Variants in FRMD4B observed in about 807,000 individuals in gnomAD.
The protein encoded by FRMD4B is FERM domain containing 4B, also known as FERM domain-containing protein 4B.
A neutral mutation model predicts 141.5 loss-of-function variants in FRMD4B; 74 were observed. The observed-to-expected ratio is 0.52, with a 90% CI of 0.43 to 0.63. The LOEUF (loss-of-function observed/expected upper bound fraction) is 0.63, where lower values mean the gene tolerates loss of function less well. Among genes scored for constraint, FRMD4B ranks in the 30% least tolerant of loss-of-function variants. FRMD4B has a pLI of 0.00. For missense variants in FRMD4B, 1,366 were observed against 1,253.4 expected (o/e 1.09, Z -1.36); for synonymous variants, 506 against 467.9 (o/e 1.08, Z -1.05).
At chr3:69,273,787 T>C (rs1387988200) in intron 5 of FRMD4B, among the ~76,000 whole-genome samples, 3 of 152,118 alleles carry the variant, frequency 2.0e-5, no homozygotes, top group South Asian at 4.1e-4. Flanking sequence ...TAAGAGGTAG[T>C]GCAGTTGCGA....
intron 1 of FRMD4B, among the ~76,000 whole-genome samples, chr3:69,498,291 T>G (rs1488941077): frequency 6.6e-6 from 1 of 152,204 alleles, no homozygotes; most frequent in African/African-American, 2.4e-5. Flanking sequence ...GAAGTTTACA[T>G]TGATTGAACT....
chr3:69,442,472 T>C (rs893193880), intron 1 of FRMD4B, among the ~76,000 whole-genome samples: 2 of 152,196 alleles, frequency 1.3e-5, no homozygotes, highest in Non-Finnish European at 2.9e-5. Flanking sequence ...CTAGAGGTTC[T>C]GATTCCACAA....
chr3:69,323,477 A>C (rs1161125121), intron 1 of FRMD4B, among the ~76,000 whole-genome samples: 1 of 151,616 alleles, frequency 6.6e-6, no homozygotes, highest in Non-Finnish European at 1.5e-5. Flanking sequence ...CTGAGGCAGA[A>C]TTGCTTGAAC....
In FRMD4B at chr3:69,482,256, G is replaced by A. The variant is rs75037435; in HGVS notation, c.-128-49495C>T. ...GGGGTAAAAGCTGTAGTGCAATAGAGTATTTAAAAAATAACCCTAAACAGG... is the reference window on the plus strand; with the variant it reads ...GGGGTAAAAGCTGTAGTGCAATAGAATATTTAAAAAATAACCCTAAACAGG... On this transcript the variant is annotated intron_variant, in intron 1 of 5. Coordinates refer to the FRMD4B transcript ENST00000459638. Among the ~76,000 whole-genome samples the A allele has an allele frequency of 2.8e-3, 419 of 151,670 alleles. 2 individuals are homozygous for A. The highest frequency in any genetic ancestry group is 9.6e-3 in the African/African-American group (392 of 41,014).
chr3:69,521,711 T>C (rs1354413783), intron 1 of FRMD4B, among the ~76,000 whole-genome samples: 2 of 152,132 alleles, frequency 1.3e-5, no homozygotes, highest in Non-Finnish European at 2.9e-5. Flanking sequence ...ACTCATAAAA[T>C]CTACCAAGCA....
Position 69,261,724 on chromosome 3 carries a change from G to A in FRMD4B, c.502-11625C>T, listed in dbSNP as rs1430712419. Among the ~76,000 whole-genome samples the A allele has an allele frequency of 1.1e-4, 17 of 152,196 alleles. 1 individual carries two copies. The East Asian group carries it at 2.3e-3, about 21-fold the overall frequency. ...GTCTCCCTCTGTTGCCCAGGCTGGA[G>A]TGCAGTGGCACGATCTCAGCTCACC... On this transcript the variant is annotated intron_variant, in intron 5 of 22. Transcript: ENST00000398540.
intron 1 of FRMD4B, among the ~76,000 whole-genome samples, chr3:69,438,801 T>G (rs1326679141): frequency 1.3e-5 from 2 of 152,146 alleles, no homozygotes; most frequent in Non-Finnish European, 2.9e-5. Flanking sequence ...ATTCACTGTA[T>G]ATTCAGCAGC....
chr3:69,372,281 G>T (rs1038612619), intron 1 of FRMD4B, among the ~76,000 whole-genome samples: 3 of 152,216 alleles, frequency 2.0e-5, no homozygotes, highest in African/African-American at 4.8e-5. Context: ...CACAAGGGCA[G>T]GGCCTACCTC....
chr3:69,179,120 C>T (rs1276361325), intron 21 of FRMD4B, among the ~76,000 whole-genome samples: 2 of 152,114 alleles, frequency 1.3e-5, no homozygotes, highest in Non-Finnish European at 2.9e-5. Context: ...TCTGGGAGTA[C>T]TGATTCCACC....
At chr3:69,422,325 T>G (rs1406570198) in intron 2 of FRMD4B, among the ~76,000 whole-genome samples, 1 of 150,100 alleles carries the variant, frequency 6.7e-6, no homozygotes, top group Admixed American at 6.7e-5. Context: ...CCCGGGAGGT[T>G]GTAGTGCGTT....
At chr3:69,382,953 C>T (rs976180929) in intron 1 of FRMD4B, among the ~76,000 whole-genome samples, 1 of 152,064 alleles carries the variant, frequency 6.6e-6, no homozygotes, top group Non-Finnish European at 1.5e-5. Flanking sequence ...TGACAAAAGT[C>T]ATTTCTTTTT....
chr3:69,345,489 T>C (rs775768309), intron 1 of FRMD4B, among the ~76,000 whole-genome samples: 1 of 152,194 alleles, frequency 6.6e-6, no homozygotes, highest in African/African-American at 2.4e-5. Context: ...AAGAGAGTAG[T>C]TGTTCTCCCA....
At chr3:69,538,765 G>GA (rs1231100043) in intron 1 of FRMD4B, among the ~76,000 whole-genome samples, 3 of 152,080 alleles carry the variant, frequency 2.0e-5, no homozygotes, top group Non-Finnish European at 4.4e-5. Context: ...TCTAGCAACA[G>GA]AAAATTGTTA....
At chr3:69,535,752 A>G in intron 1 of FRMD4B, 1 of 458,902 alleles carries the variant, frequency 2.2e-6, no homozygotes, top group South Asian at 1.6e-5. Context: ...CTGTCTTCCT[A>G]GACAGGTGTG....
chr3:69,452,436 T>G (rs1331390566), intron 1 of FRMD4B, among the ~76,000 whole-genome samples: 1 of 152,238 alleles, frequency 6.6e-6, no homozygotes, highest in East Asian at 1.9e-4. Context: ...CATTTAGACT[T>G]TCTACCCCAA....
intron 2 of FRMD4B, among the ~76,000 whole-genome samples, chr3:69,391,248 A>T (rs890630621): frequency 3.0e-4 from 45 of 149,852 alleles, no homozygotes; most frequent in African/African-American, 7.1e-4. Flanking sequence ...ATTTATTTTT[A>T]TTTTTTTTTA....
At chr3:69,529,538 C>CT (rs1700983210) in intron 1 of FRMD4B, among the ~76,000 whole-genome samples, 2 of 152,110 alleles carry the variant, frequency 1.3e-5, no homozygotes, top group African/African-American at 4.8e-5. Flanking sequence ...CACTGTGCTG[C>CT]CCACACTGCC....
chr3:69,438,097 T>G (rs1395276063), intron 1 of FRMD4B, among the ~76,000 whole-genome samples: 1 of 147,112 alleles, frequency 6.8e-6, no homozygotes, highest in Non-Finnish European at 1.5e-5. Flanking sequence ...ATATATAATA[T>G]AATAGTATAT....
chr3:69,279,723 C>G (rs2093635365), intron 5 of FRMD4B, among the ~76,000 whole-genome samples: 1 of 111,030 alleles, frequency 9.0e-6, no homozygotes, highest in Non-Finnish European at 1.9e-5. Context: ...TCCTCCTCCC[C>G]TCCTCCTTCT....
Sources: allele counts gnomAD v4.1 joint callset (sites outside exome capture counted in the v4.1 genomes callset), GRCh38; gene constraint gnomAD v4.1.1; transcripts MANE v1.5; gene names NCBI Gene and HGNC (gene_info 2026-07-23, HGNC 2026-07-21).